PLEKHA7: variants seen among roughly 807,000 people sequenced by gnomAD.
PLEKHA7 encodes pleckstrin homology domain containing A7.
Under a neutral mutation model 170.0 loss-of-function variants are expected in PLEKHA7, and 104 were observed. The observed-to-expected ratio is 0.61, with a 90% CI of 0.52 to 0.72. The LOEUF is 0.72. PLEKHA7 is among the 30% of genes least tolerant of loss of function. The pLI, the probability that PLEKHA7 is intolerant of heterozygous loss-of-function variation, is 0.00. For missense variants in PLEKHA7, 1,615 were observed against 1,671.7 expected (o/e 0.97, Z 0.59); for synonymous variants, 648 against 660.8 (o/e 0.98, Z 0.30).
intron 3 of PLEKHA7, among the ~76,000 whole-genome samples, chr11:16,981,862 G>A (rs1863448824): frequency 6.6e-6 from 1 of 152,178 alleles, no homozygotes; most frequent in South Asian, 2.1e-4. Context: ...CAACCAAACA[G>A]GCTGTCGTCA....
intron 3 of PLEKHA7, among the ~76,000 whole-genome samples, chr11:16,933,747 G>A (rs1860099805): frequency 6.6e-6 from 1 of 152,154 alleles, no homozygotes; most frequent in Non-Finnish European, 1.5e-5. Flanking sequence ...TTCAGGGAGG[G>A]GGCAGAAGAT....
At chr11:16,782,126 T>TACACACAC (rs879334353) in intron 26 of PLEKHA7, among the ~76,000 whole-genome samples, 1 of 148,860 alleles carries the variant, frequency 6.7e-6, no homozygotes, top group Non-Finnish European at 1.5e-5. Context: ...CAGACACACA[T>TACACACAC]ACACACACAC....
chr11:16,955,044 A>G (rs913527257), intron 3 of PLEKHA7, among the ~76,000 whole-genome samples: 4 of 152,206 alleles, frequency 2.6e-5, no homozygotes, highest in African/African-American at 7.2e-5. Context: ...TGCAAATGTC[A>G]GAGTAATTTT....
intron 3 of PLEKHA7, among the ~76,000 whole-genome samples, chr11:16,962,784 T>C (rs10741715): frequency 0.4 from 60,673 of 152,030 alleles, 13,093 homozygotes; most frequent in African/African-American, 0.54. Flanking sequence ...ATGTGGTCCT[T>C]TGGCAGCCTC....
At chr11:16,781,859 T>C (rs2134112696) in intron 26 of PLEKHA7, among the ~76,000 whole-genome samples, 1 of 152,218 alleles carries the variant, frequency 6.6e-6, no homozygotes, top group East Asian at 1.9e-4. Context: ...GTAGGGGCCA[T>C]GACACCACTT....
In PLEKHA7 at chr11:16,789,130, T is replaced by C. The variant is rs1180667440; in HGVS notation, c.3323A>G (p.Tyr1108Cys). Residue 1108 changes from tyrosine to cysteine, a missense_variant, in exon 23 of 27, where the codon TAC becomes TGC. Transcript: ENST00000531066. This position sits in a 1 kb window ranked among gnomAD's most constrained non-coding sequence, Gnocchi z 4.6. Reference sequence around the variant, plus strand: ...ATCTCCAGGGAGCGGCCGGCTGAGGTAGCGAGATGAGGGCAGGCCCGTCCT... The same window carrying C: ...ATCTCCAGGGAGCGGCCGGCTGAGGCAGCGAGATGAGGGCAGGCCCGTCCT... ...GERTGLPSSR[Y>C]LSRPLPGDLG... 2 of 1,608,222 alleles carry C rather than the reference T, an allele frequency of 1.2e-6. No homozygotes were observed. Among genetic ancestry groups the C allele is most frequent in the African/African-American group, 2.7e-5 (2 of 75,048 alleles).
At chr11:17,006,680 C>G (rs1009071218) in intron 3 of PLEKHA7, among the ~76,000 whole-genome samples, 1 of 151,286 alleles carries the variant, frequency 6.6e-6, no homozygotes, top group Non-Finnish European at 1.5e-5. Context: ...GTTTGACATT[C>G]TACAAGATAA....
intron 13 of PLEKHA7, 94 bp downstream of exon 13, chr11:16,813,019 C>A: frequency 9.8e-7 from 1 of 1,019,814 alleles, no homozygotes; most frequent in South Asian, 1.4e-5. Context: ...TGGATAAGAC[C>A]TGTCTGGCCT....
intron 3 of PLEKHA7, among the ~76,000 whole-genome samples, chr11:16,939,132 C>T (rs1425389074): frequency 1.3e-5 from 2 of 152,184 alleles, no homozygotes; most frequent in African/African-American, 4.8e-5. Flanking sequence ...ATACTATAAG[C>T]TGGACACAGT....
intron 9 of PLEKHA7, among the ~76,000 whole-genome samples, chr11:16,832,672 T>A (rs951549492): frequency 6.6e-6 from 1 of 152,204 alleles, no homozygotes; most frequent in Non-Finnish European, 1.5e-5. Context: ...TTGTAGGGGC[T>A]TGATTGAACC....
At chr11:16,937,083 G>A (rs1001326651) in intron 3 of PLEKHA7, among the ~76,000 whole-genome samples, 1 of 152,128 alleles carries the variant, frequency 6.6e-6, no homozygotes, top group South Asian at 2.1e-4. Flanking sequence ...ACCTGGAGTC[G>A]TTGTTATTAA....
At chr11:16,916,608 T>C (rs1430623271) in intron 3 of PLEKHA7, among the ~76,000 whole-genome samples, 1 of 152,144 alleles carries the variant, frequency 6.6e-6, no homozygotes, top group Non-Finnish European at 1.5e-5. Flanking sequence ...CACACAACCC[T>C]GAAGAGGAAA....
intron 3 of PLEKHA7, among the ~76,000 whole-genome samples, chr11:16,912,077 C>A (rs1197574596): frequency 6.6e-6 from 1 of 152,176 alleles, no homozygotes; most frequent in Non-Finnish European, 1.5e-5. Context: ...TGTGGAGTAA[C>A]CTACTGCTGC....
intron 3 of PLEKHA7, among the ~76,000 whole-genome samples, chr11:16,973,778 A>C (rs753773871): frequency 1.3e-5 from 2 of 151,984 alleles, no homozygotes; most frequent in African/African-American, 2.4e-5. Flanking sequence ...CTCCAACCTG[A>C]GTCTCCCTCT....
intron 7 of PLEKHA7, among the ~76,000 whole-genome samples, chr11:16,851,781 T>C (rs1852985789): frequency 6.6e-6 from 1 of 152,152 alleles, no homozygotes; most frequent in Non-Finnish European, 1.5e-5. Flanking sequence ...CTATCTCTTC[T>C]CTCCTTCTAA....
intron 3 of PLEKHA7, among the ~76,000 whole-genome samples, chr11:16,887,784 T>A (rs1856251163): frequency 6.6e-6 from 1 of 152,204 alleles, no homozygotes; most frequent in African/African-American, 2.4e-5. Context: ...CCTCCCAAAG[T>A]GCCGAGATTC....
intron 25 of PLEKHA7, among the ~76,000 whole-genome samples, chr11:16,783,481 G>A (rs1056019095): frequency 2.0e-5 from 3 of 152,256 alleles, no homozygotes; most frequent in African/African-American, 7.2e-5. Flanking sequence ...AGGACAAGAA[G>A]CCTCTACGAA....
In PLEKHA7 at chr11:16,816,202, G is replaced by A. The variant is rs371533440; in HGVS notation, c.1929C>T (p.Ser643=). ...CCGATTTTCCATGTAAACTGGGAGC[G>A]CTGACGGTGTGGGTCATGTAACCCA... ...PSMGYMTHTV[S]APSLHGKSAD... Residue 643 remains serine, a synonymous_variant, in exon 12 of 27, where the codon AGC becomes AGT. Transcript: ENST00000531066. 17 of 1,613,564 alleles carry A rather than the reference G, an allele frequency of 1.1e-5. No individual in the cohort carries two copies. The highest frequency in any genetic ancestry group is 4.5e-5 in the East Asian group (2 of 44,892).
At chr11:16,808,450 TA>T (rs1338726002) in intron 13 of PLEKHA7, among the ~76,000 whole-genome samples, 3 of 152,208 alleles carry the variant, frequency 2.0e-5, no homozygotes, top group African/African-American at 7.2e-5. Context: ...TCTGTGCTTT[TA>T]TCAAGCTCCC....
Sources: allele counts gnomAD v4.1 joint callset (sites outside exome capture counted in the v4.1 genomes callset), GRCh38; gene constraint gnomAD v4.1.1; non-coding constraint Gnocchi (gnomAD v3.1); transcripts MANE v1.5; gene names NCBI Gene and HGNC (gene_info 2026-07-23, HGNC 2026-07-21).